TPO: variants seen among roughly 807,000 people sequenced by gnomAD.
TPO encodes the protein thyroid microsomal antigen.
TPO carries 78 observed loss-of-function variants against 96.9 expected under a neutral mutation model. The observed-to-expected ratio is 0.81, with a 90% confidence interval of 0.67 to 0.97. The LOEUF is 0.97. TPO is among the 50% of genes least tolerant of loss of function. The pLI is 0.00. For synonymous variants in TPO, 547 were observed against 538.0 expected, an observed-to-expected ratio of 1.02 and a Z score of -0.23; for missense variants, 1,252 against 1,274.8, an observed-to-expected ratio of 0.98 and a Z score of 0.27.
chr2:1,538,306 C>T (rs1396623049), intron 15 of TPO, among the ~76,000 whole-genome samples: 3 of 152,204 alleles, frequency 2.0e-5, no homozygotes, highest in Admixed American at 6.5e-5. Context: ...CAAAGGAAAG[C>T]GGGTTGAATT....
chr2:1,498,195 C>T (rs1247374738), intron 13 of TPO, among the ~76,000 whole-genome samples: 1 of 152,192 alleles, frequency 6.6e-6, no homozygotes, highest in Non-Finnish European at 1.5e-5. Context: ...TTGCAGTGGT[C>T]AACTGCTTCC....
chr2:1,508,608 T>C (rs1673734980), intron 14 of TPO, among the ~76,000 whole-genome samples: 1 of 152,168 alleles, frequency 6.6e-6, no homozygotes, highest in Non-Finnish European at 1.5e-5. Flanking sequence ...CCTGGTTTAG[T>C]CTTGGGAAGA....
upstream of TPO, among the ~76,000 whole-genome samples, chr2:1,413,286 C>T (rs888196980): frequency 1.2e-4 from 19 of 152,214 alleles, no homozygotes; most frequent in Middle Eastern, 3.4e-3. Flanking sequence ...ATGTGGACCC[C>T]GATGACATGG....
At chr2:1,520,200 G>C (rs775239321) in intron 15 of TPO, among the ~76,000 whole-genome samples, 2 of 152,142 alleles carry the variant, frequency 1.3e-5, no homozygotes, top group African/African-American at 2.4e-5. Flanking sequence ...TCACTCATTA[G>C]GAAATGTCTT....
chr2:1,421,886 C>T (rs754546224), intron 2 of TPO, among the ~76,000 whole-genome samples: 9 of 152,318 alleles, frequency 5.9e-5, no homozygotes, highest in African/African-American at 9.6e-5. Flanking sequence ...CACACATTGG[C>T]GTAAAGCCAG....
chr2:1,535,737 T>C (rs1573642787), intron 15 of TPO, among the ~76,000 whole-genome samples: 2 of 66,288 alleles, frequency 3.0e-5, no homozygotes, highest in African/African-American at 1.1e-4. Flanking sequence ...GTGTGCAACC[T>C]CCCCAAATCC....
intron 8 of TPO, among the ~76,000 whole-genome samples, chr2:1,481,437 G>A (rs1196026557): frequency 1.3e-5 from 2 of 152,156 alleles, no homozygotes; most frequent in African/African-American, 4.8e-5. Context: ...CCGGCCATCA[G>A]ATAGCAGACC....
At chr2:1,518,274 A>G (rs887850205) in intron 15 of TPO, among the ~76,000 whole-genome samples, 4 of 152,238 alleles carry the variant, frequency 2.6e-5, no homozygotes, top group African/African-American at 7.2e-5. Flanking sequence ...CCCCTTGAAC[A>G]GGAAATCTTT....
intron 1 of TPO, among the ~76,000 whole-genome samples, chr2:1,375,361 G>A (rs1165169482): frequency 6.6e-6 from 1 of 152,072 alleles, no homozygotes; most frequent in East Asian, 1.9e-4. Flanking sequence ...TCAATTAGAA[G>A]TTTATGTTGC....
intron 15 of TPO, among the ~76,000 whole-genome samples, chr2:1,518,087 G>A (rs1205839796): frequency 6.6e-6 from 1 of 152,144 alleles, no homozygotes; most frequent in Admixed American, 6.5e-5. Context: ...TACCACACAT[G>A]TATGGATTAT....
At chr2:1,520,913 T>A (rs1675188832) in intron 15 of TPO, among the ~76,000 whole-genome samples, 1 of 152,220 alleles carries the variant, frequency 6.6e-6, no homozygotes, top group Non-Finnish European at 1.5e-5. Context: ...ACTTTGTCTG[T>A]CTGTTGATTC....
intron 14 of TPO, among the ~76,000 whole-genome samples, chr2:1,505,274 G>A (rs1673292368): frequency 7.2e-6 from 1 of 138,998 alleles, no homozygotes; most frequent in Admixed American, 7.2e-5. Flanking sequence ...CCCCTCCTGT[G>A]TCAGGCGCAC....
chr2:1,443,738 GCGGGAGGCACCA>G lies in TPO; in HGVS notation c.482+7355_482+7366del, dbSNP rs1453104771. Among the ~76,000 whole-genome samples the G allele has an allele frequency of 9.4e-5, 10 of 105,938 alleles. 2 individuals carry two copies. Among genetic ancestry groups the G allele is most frequent in the South Asian group, 5.3e-4 (1 of 1,872 alleles). The allele number at this position is 105,938 out of a possible 152,430, so 69.5% of individuals were successfully genotyped here. ...TTGTTTGTATGATCCAGTCATTGCT[GCGGGAGGCACCA>G]TGTTGGAAGGGAATGGGGCAGGCTC... On this transcript the variant is annotated intron_variant, in intron 5 of 16. Transcript: ENST00000329066.
intron 7 of TPO, among the ~76,000 whole-genome samples, chr2:1,459,358 G>A (rs1668191534): frequency 6.6e-6 from 1 of 152,008 alleles, no homozygotes; most frequent in Non-Finnish European, 1.5e-5. Context: ...CACCATGTTG[G>A]CCAGGCTGGT....
rs193219815 is a variant in TPO at position 1,521,907 on chromosome 2, C to T, written c.2618+4925C>T. On this transcript the variant is annotated intron_variant, in intron 15 of 16. Coordinates refer to ENST00000329066, the MANE Select transcript of TPO (RefSeq NM_001206744.2). ...CAGTCCCCCCGTGGGTTCAGCTAAA[C>T]GCATTGTCCAGTTTCCAGCCCAGAA... Among the ~76,000 whole-genome samples, 6 of 152,150 alleles carry T rather than the reference C, an allele frequency of 3.9e-5. No homozygotes were observed. In the East Asian group the frequency reaches 5.8e-4, roughly 15 times the overall value.
At chr2:1,412,848 G>A (rs745782153), upstream of TPO, among the ~76,000 whole-genome samples, 2 of 151,854 alleles carry the variant, frequency 1.3e-5, no homozygotes, top group Middle Eastern at 3.4e-3. Flanking sequence ...CCCAGTGTTC[G>A]GAATGCAGTC....
At chr2:1,424,318 T>C (rs966500856) in intron 3 of TPO, among the ~76,000 whole-genome samples, 1 of 152,008 alleles carries the variant, frequency 6.6e-6, no homozygotes, top group African/African-American at 2.4e-5. Flanking sequence ...TTTTATGAGC[T>C]TCACAGAGAA....
At chr2:1,457,361 TGTA>T (rs1667906991) in intron 7 of TPO, among the ~76,000 whole-genome samples, 2 of 113,760 alleles carry the variant, frequency 1.8e-5, no homozygotes, top group Admixed American at 1.8e-4. Flanking sequence ...TGGGCAGATG[TGTA>T]CATAGCATGT....
At chr2:1,387,983 C>T (rs192027130) in intron 1 of TPO, among the ~76,000 whole-genome samples, 3 of 152,162 alleles carry the variant, frequency 2.0e-5, no homozygotes, top group African/African-American at 7.2e-5. Context: ...CCCTCCAGAC[C>T]CTGTTTGCCT....
Sources: allele counts gnomAD v4.1 joint callset (sites outside exome capture counted in the v4.1 genomes callset), GRCh38; gene constraint gnomAD v4.1.1; transcripts MANE v1.5; gene names NCBI Gene and HGNC (gene_info 2026-07-23, HGNC 2026-07-21).